The following SRPK1 variants were observed in gnomAD, a reference collection of about 807,000 sequenced individuals.
The protein encoded by SRPK1 is SRSF protein kinase 1.
Under a neutral mutation model 89.5 loss-of-function variants are expected in SRPK1, and 52 were observed. That is an observed-to-expected ratio of 0.58 (90% CI 0.46 to 0.73). The LOEUF is 0.73. Ranked by LOEUF, SRPK1 falls within the 30% of genes least tolerant of loss-of-function variation. SRPK1 has a pLI of 0.00. For missense variants in SRPK1, 603 were observed against 780.6 expected (o/e 0.77, Z 2.71); for synonymous variants, 255 against 270.2 (o/e 0.94, Z 0.55).
intron 13 of SRPK1, among the ~76,000 whole-genome samples, chr6:35,848,586 C>T (rs951427763): frequency 6.6e-6 from 1 of 152,106 alleles, no homozygotes; most frequent in South Asian, 2.1e-4. Flanking sequence ...AGGCATCAAA[C>T]CACCTGATTT....
At chr6:35,886,416 A>G (rs1051882257) in intron 6 of SRPK1, among the ~76,000 whole-genome samples, 5 of 152,036 alleles carry the variant, frequency 3.3e-5, no homozygotes, top group Admixed American at 6.6e-5. Context: ...CTTCCCTTAA[A>G]GTTTCTGTGC....
intron 11 of SRPK1, 142 bp from the exon 12 acceptor site, chr6:35,869,252 G>GC: frequency 1.1e-6 from 1 of 874,116 alleles, no homozygotes; most frequent in Non-Finnish European, 1.7e-6. Context: ...AAAGAGCACA[G>GC]CAACGCCTTG....
chr6:35,896,830 T>C (rs1027556709), intron 2 of SRPK1, among the ~76,000 whole-genome samples: 1 of 152,164 alleles, frequency 6.6e-6, no homozygotes, highest in African/African-American at 2.4e-5. Flanking sequence ...ATAATCCAAA[T>C]GTCCACCAAC....
intron 6 of SRPK1, among the ~76,000 whole-genome samples, chr6:35,877,459 T>C (rs990184062): frequency 3.3e-5 from 5 of 152,190 alleles, no homozygotes; most frequent in Non-Finnish European, 5.9e-5. Flanking sequence ...ATCACAGATG[T>C]TAGAATTAGA....
At chr6:35,920,923 G>C in intron 1 of SRPK1, 121 bp downstream of exon 1, 2 of 1,164,394 alleles carry the variant, frequency 1.7e-6, no homozygotes, top group Non-Finnish European at 2.4e-6. Flanking sequence ...CGCCACCTCA[G>C]TGGAGGGGCG....
chr6:35,838,517 C>T (rs1769234327), intron 14 of SRPK1, 88 bp from the exon 15 acceptor site: 1 of 1,309,568 alleles, frequency 7.6e-7, no homozygotes, highest in South Asian at 1.3e-5. Flanking sequence ...GCAGAAGGAG[C>T]AGCATGCACA....
At chr6:35,859,855 C>T (rs948553228) in intron 12 of SRPK1, among the ~76,000 whole-genome samples, 1 of 151,396 alleles carries the variant, frequency 6.6e-6, no homozygotes, top group Non-Finnish European at 1.5e-5. Context: ...CTGAAAAGAA[C>T]GTAGTCTTTT....
At chr6:35,874,188 A>G (rs1281016198) in intron 7 of SRPK1, 45 bp downstream of exon 7, 3 of 1,434,710 alleles carry the variant, frequency 2.1e-6, no homozygotes, top group Non-Finnish European at 2.9e-6. Context: ...TTAAAAAATC[A>G]CTACATAGTC....
chr6:35,855,473 CTCTT>C (rs1769647050), intron 13 of SRPK1, among the ~76,000 whole-genome samples: 1 of 152,152 alleles, frequency 6.6e-6, no homozygotes. Context: ...GTTATCTGCC[CTCTT>C]TCTCAAGTTT....
intron 12 of SRPK1, among the ~76,000 whole-genome samples, chr6:35,858,994 T>C (rs1221771189): frequency 6.6e-6 from 1 of 152,144 alleles, no homozygotes; most frequent in East Asian, 1.9e-4. Context: ...AAGTATGGGA[T>C]TGAATTAAGT....
chr6:35,855,803 T>C (rs866861683), intron 13 of SRPK1, among the ~76,000 whole-genome samples: 2 of 152,178 alleles, frequency 1.3e-5, no homozygotes, highest in Non-Finnish European at 2.9e-5. Flanking sequence ...GGTGCGATCT[T>C]GGCTCACTGC....
At chr6:35,919,174 T>C (rs982237714) in intron 2 of SRPK1, among the ~76,000 whole-genome samples, 1 of 152,208 alleles carries the variant, frequency 6.6e-6, no homozygotes, top group East Asian at 1.9e-4. Flanking sequence ...ATATGGATAA[T>C]CCAAAGGTAA....
chr6:35,916,949 A>G (rs1771116975), intron 2 of SRPK1, among the ~76,000 whole-genome samples: 1 of 152,158 alleles, frequency 6.6e-6, no homozygotes, highest in African/African-American at 2.4e-5. Flanking sequence ...AATCTCAGCT[A>G]CTTGGGAGGC....
Position 35,890,959 on chromosome 6 carries a change from C to G in SRPK1, c.129G>C (p.Glu43Asp). ...CAGATCCCAGAATCTCCTCTTCCTG[C>G]TCTGGTAGATCACTCTCAGAGTGGG... ...SAPHSESDLPEQEEEILGSDD... is the reference protein window; with the variant it reads ...SAPHSESDLPDQEEEILGSDD... The change falls in exon 3 of 16, where the codon GAG becomes GAC. Residue 43 changes from glutamate (E) to aspartate (D), a missense_variant. Transcript: ENST00000373825. The G allele has an allele frequency of 1.3e-6, 2 of 1,554,418 alleles. No homozygotes were observed. Among genetic ancestry groups the G allele is most frequent in the South Asian group, 2.4e-5 (2 of 84,138 alleles).
chr6:35,843,717 G>C (rs1042378941), intron 13 of SRPK1, among the ~76,000 whole-genome samples: 3 of 152,120 alleles, frequency 2.0e-5, no homozygotes, highest in Non-Finnish European at 4.4e-5. Flanking sequence ...CCAAAGTGCT[G>C]GGATTACAGG....
At chr6:35,840,228 A>G (rs1446648226) in intron 14 of SRPK1, among the ~76,000 whole-genome samples, 1 of 152,206 alleles carries the variant, frequency 6.6e-6, no homozygotes, top group African/African-American at 2.4e-5. Context: ...AGAGACGTCC[A>G]TATTATCTGG....
In SRPK1 at chr6:35,888,892, T is replaced by C. The variant is rs200925470; in HGVS notation, c.225A>G (p.Leu75=). 27 of 1,613,080 alleles carry C rather than the reference T, an allele frequency of 1.7e-5. No homozygotes were observed. In the South Asian group the frequency reaches 2.0e-4, roughly 12 times the overall value. The part of the protein sequence containing the change: ...GGYHLVKIGD[L]FNGRYHVIRK... ...GGATCACATGGTATCTCCCATTGAA[T>C]AGATCTCCAATTTTCACAAGATGAT... is the stretch of plus-strand genomic sequence containing the variant. Residue 75 remains leucine (L), a synonymous_variant, in exon 4 of 16, where the codon CTA becomes CTG. Coordinates refer to ENST00000373825, the MANE Select transcript of SRPK1 (RefSeq NM_003137.5).
chr6:35,845,191 T>C (rs1769400283), intron 13 of SRPK1, among the ~76,000 whole-genome samples: 1 of 152,128 alleles, frequency 6.6e-6, no homozygotes, highest in Non-Finnish European at 1.5e-5. Flanking sequence ...CGATATTGTA[T>C]ATAATAATGA....
chr6:35,844,354 T>G (rs894255664), intron 13 of SRPK1, among the ~76,000 whole-genome samples: 1 of 152,136 alleles, frequency 6.6e-6, no homozygotes, highest in African/African-American at 2.4e-5. Context: ...AGTTATAAAA[T>G]AAGCGCTAGT....
Sources: allele counts gnomAD v4.1 joint callset (sites outside exome capture counted in the v4.1 genomes callset), GRCh38; gene constraint gnomAD v4.1.1; transcripts MANE v1.5; gene names NCBI Gene and HGNC (gene_info 2026-07-23, HGNC 2026-07-21).